Variants in CAMK2B observed in about 807,000 individuals in gnomAD.
CAMK2B encodes calcium/calmodulin dependent protein kinase II beta.
CAMK2B carries 27 observed loss-of-function variants against 93.7 expected under a neutral mutation model. The observed-to-expected ratio is 0.29, with a 90% CI of 0.21 to 0.40. The LOEUF (loss-of-function observed/expected upper bound fraction) is 0.40. Ranked by LOEUF, CAMK2B falls within the 10% of genes least tolerant of loss-of-function variation. The pLI, the probability that CAMK2B is intolerant of heterozygous loss-of-function variation, is 1.00. For synonymous variants in CAMK2B, 374 were observed against 358.8 expected, an observed-to-expected ratio of 1.04 and a Z score of -0.48; for missense variants, 568 against 895.8, an observed-to-expected ratio of 0.63 and a Z score of 4.67.
At chr7:44,319,993 G>C (rs1795689261) in intron 1 of CAMK2B, among the ~76,000 whole-genome samples, 1 of 152,124 alleles carries the variant, frequency 6.6e-6, no homozygotes, top group Non-Finnish European at 1.5e-5. Flanking sequence ...TTAAAATTAA[G>C]AGGCCAGGTA....
At position 44,271,578 on chromosome 7, in the gene CAMK2B, T is replaced by G. The variant is rs2096975042; in HGVS notation, c.161-8514A>C. On this transcript the variant is annotated intron_variant, in intron 2 of 23. Coordinates refer to ENST00000395749, the MANE Select transcript of CAMK2B (RefSeq NM_001220.5). This position sits in a 1 kb window ranked among gnomAD's most constrained non-coding sequence, Gnocchi z 4.2. The stretch of plus-strand genomic sequence containing the variant: ...CCAGCTCACATCTTGGGGCCAGCAC[T>G]TGCCAACCTGGGCTGCCAGCAAGTC... 6.6e-6 allele frequency among the ~76,000 whole-genome samples: 1 copy of G among 152,228 alleles called. No homozygotes were observed. The highest frequency in any genetic ancestry group is 2.1e-4 in the South Asian group (1 of 4,834).
intron 20 of CAMK2B, 44 bp downstream of exon 20, chr7:44,226,472 C>T (rs2096480591): frequency 7.3e-7 from 1 of 1,365,598 alleles, no homozygotes; most frequent in Admixed American, 3.5e-5. Flanking sequence ...CGCCCCGAGC[C>T]CCTCCGGGCA....
intron 1 of CAMK2B, among the ~76,000 whole-genome samples, chr7:44,299,991 T>G (rs1395118219): frequency 3.3e-5 from 5 of 150,968 alleles, no homozygotes; most frequent in Non-Finnish European, 5.9e-5. Context: ...AGTAACTATA[T>G]GTATATATGT....
At chr7:44,232,669 G>A (rs768620877) in intron 16 of CAMK2B, among the ~76,000 whole-genome samples, 153 bp downstream of exon 16, 41 of 151,384 alleles carry the variant, frequency 2.7e-4, no homozygotes, top group Admixed American at 4.6e-4. Context: ...TGTTGCCCAC[G>A]AAGACGGACT....
At chr7:44,238,505 G>C (rs2096646517) in intron 13 of CAMK2B, among the ~76,000 whole-genome samples, 2 of 152,320 alleles carry the variant, frequency 1.3e-5, no homozygotes, top group South Asian at 4.1e-4. Flanking sequence ...GGCTCTCCCG[G>C]GGTGCTGCCT....
intron 1 of CAMK2B, among the ~76,000 whole-genome samples, chr7:44,318,625 C>T (rs1040827863): frequency 1.3e-5 from 2 of 152,246 alleles, no homozygotes; most frequent in African/African-American, 4.8e-5. Context: ...TGCAGTACTT[C>T]ATTGTAAGGG....
At chr7:44,290,933 T>A (rs191140636) in intron 1 of CAMK2B, among the ~76,000 whole-genome samples, 1 of 152,330 alleles carries the variant, frequency 6.6e-6, no homozygotes, top group Admixed American at 6.5e-5. Flanking sequence ...CAGAATGCGT[T>A]GACGTTGCCT....
chr7:44,309,437 G>A (rs117251670), intron 1 of CAMK2B, among the ~76,000 whole-genome samples: 1,850 of 152,296 alleles, frequency 0.012, 10 homozygotes, highest in Non-Finnish European at 0.019. Flanking sequence ...CCAGCCCCGG[G>A]GCCCACCCTT....
intron 1 of CAMK2B, among the ~76,000 whole-genome samples, chr7:44,296,583 T>C (rs1788383142): frequency 6.6e-6 from 1 of 151,968 alleles, no homozygotes; most frequent in African/African-American, 2.4e-5. Flanking sequence ...AAATCCAGGA[T>C]GCTCAGAGAA....
intron 5 of CAMK2B, among the ~76,000 whole-genome samples, chr7:44,250,905 A>G (rs987209139): frequency 1.3e-5 from 2 of 152,196 alleles, no homozygotes; most frequent in Non-Finnish European, 2.9e-5. Flanking sequence ...TGAAGAAGAC[A>G]TGGACACCCT....
rs904321053 is a variant in CAMK2B, at chr7:44,316,029, A to T, written c.65+9328T>A. Among the ~76,000 whole-genome samples, 7 of 152,174 alleles carry T rather than the reference A, an allele frequency of 4.6e-5. No individual in the cohort carries two copies. In the South Asian group the frequency reaches 1.4e-3, roughly 31 times the overall value. On this transcript the variant is annotated intron_variant, in intron 1 of 23. Coordinates refer to ENST00000395749, the MANE Select transcript of CAMK2B (RefSeq NM_001220.5). ...GAGGTAGCTATAACTATTTATTTCC[A>T]ATCTGGGAGCCTTCTATCTCTTTTT...
Position 44,242,346 on chromosome 7 carries a change from G to T in CAMK2B, c.697-6C>A, listed in dbSNP as rs2096687841. Reference sequence around the variant, plus strand: ...TCCCACTCAGGGGACGGGAACTGCAGAAGGAAACAGCGCCCCGGCCGGGCC... The same window carrying T: ...TCCCACTCAGGGGACGGGAACTGCATAAGGAAACAGCGCCCCGGCCGGGCC... On this transcript the variant is annotated splice_region_variant and splice_polypyrimidine_tract_variant and intron_variant, in intron 9 of 23. Coordinates refer to ENST00000395749, the MANE Select transcript of CAMK2B (RefSeq NM_001220.5). 1.9e-6 allele frequency: 3 copies of T among 1,612,364 alleles called. No individual in the cohort carries two copies. The African/African-American group carries it at 4.0e-5, about 22-fold the overall frequency.
chr7:44,240,752 G>A lies in CAMK2B; in HGVS notation c.904-3C>T. 1.2e-6 allele frequency: 2 copies of A among 1,613,780 alleles called. No individual in the cohort carries two copies. The highest frequency in any genetic ancestry group is 1.7e-6 in the Non-Finnish European group (2 of 1,179,902). ...AGCATGGTGGTGAGGATGGCTCCCT[G>A]GGGAGAGACACAGATAAAACCGGGG... On this transcript the variant is annotated splice_region_variant and splice_polypyrimidine_tract_variant and intron_variant, in intron 11 of 23. Coordinates refer to ENST00000395749, the MANE Select transcript of CAMK2B (RefSeq NM_001220.5).
chr7:44,275,563 G>A (rs1206194808), intron 2 of CAMK2B, among the ~76,000 whole-genome samples: 1 of 152,206 alleles, frequency 6.6e-6, no homozygotes, highest in African/African-American at 2.4e-5. Context: ...AATGACAAAG[G>A]ACAAAATTTG....
chr7:44,302,534 T>A (rs998420778), intron 1 of CAMK2B, among the ~76,000 whole-genome samples: 1 of 152,136 alleles, frequency 6.6e-6, no homozygotes, highest in Admixed American at 6.5e-5. Context: ...AATCCAACAA[T>A]GTATAAAAAG....
At position 44,217,244 on chromosome 7, in the gene CAMK2B, CAATG is replaced by C. The variant is rs1227839869; in HGVS notation, c.*2277_*2280del. ...ACTTACAAGGCTCAGAAAGAAAAGA[CAATG>C]AAACTCAGCAAAAAGAGAGAGGAGG... On this transcript the variant is annotated 3_prime_UTR_variant, in exon 24 of 24. Coordinates refer to ENST00000395749, the MANE Select transcript of CAMK2B (RefSeq NM_001220.5). 5.9e-5 allele frequency: 9 copies of C among 152,606 alleles called. No individual in the cohort carries two copies. Among genetic ancestry groups the C allele is most frequent in the African/African-American group, 2.2e-4 (9 of 41,450 alleles). The allele number at this position is 152,606 out of a possible 1,614,324, so 9.5% of individuals were successfully genotyped here. A position where few individuals can be genotyped will look rare whatever the true frequency, so the allele number is the denominator to read the frequency against.
intron 13 of CAMK2B, among the ~76,000 whole-genome samples, chr7:44,236,288 G>A (rs2096625415): frequency 6.6e-6 from 1 of 152,140 alleles, no homozygotes; most frequent in African/African-American, 2.4e-5. Context: ...TTGTGCCTGC[G>A]CAGTGGCTGC....
chr7:44,291,631 C>T (rs1297318304), intron 1 of CAMK2B, among the ~76,000 whole-genome samples: 2 of 152,192 alleles, frequency 1.3e-5, no homozygotes, highest in Non-Finnish European at 2.9e-5. Flanking sequence ...ACACACGAAC[C>T]CCACATTTTG....
At chr7:44,235,394 T>A (rs1360767251) in intron 13 of CAMK2B, among the ~76,000 whole-genome samples, 1 of 152,174 alleles carries the variant, frequency 6.6e-6, no homozygotes, top group Non-Finnish European at 1.5e-5. Context: ...GCGGGGCCCC[T>A]GCCTCACCCA....
Sources: gnomAD v4.1 joint callset for allele counts (sites outside exome capture counted in the v4.1 genomes callset) on GRCh38, gnomAD v4.1.1 for gene constraint, Gnocchi (gnomAD v3.1) non-coding constraint, MANE v1.5 for transcripts, NCBI Gene and HGNC (gene_info 2026-07-23, HGNC 2026-07-21) for gene names.